The following CDH10 variants were observed in gnomAD, a reference collection of about 807,000 sequenced individuals.
The protein encoded by CDH10 is cadherin-10.
CDH10 carries 30 observed loss-of-function variants against 73.1 expected under a neutral mutation model. That is an observed-to-expected ratio of 0.41 (90% CI 0.31 to 0.56). The LOEUF (loss-of-function observed/expected upper bound fraction) is 0.56, where lower values mean the gene tolerates loss of function less well. Among genes scored for constraint, CDH10 ranks in the 20% least tolerant of loss-of-function variants. The pLI is 0.27. For synonymous variants in CDH10, 345 were observed against 348.2 expected, an observed-to-expected ratio of 0.99 and a Z score of 0.10; for missense variants, 815 against 973.7, an observed-to-expected ratio of 0.84 and a Z score of 2.17.
At chr5:24,641,888 T>C (rs969567743) in intron 1 of CDH10, among the ~76,000 whole-genome samples, 9 of 152,124 alleles carry the variant, frequency 5.9e-5, no homozygotes, top group African/African-American at 1.7e-4. Context: ...AACATAGACC[T>C]GAAATTTAGA....
chr5:24,509,314 A>G (rs1264187000), intron 7 of CDH10, among the ~76,000 whole-genome samples: 5 of 127,412 alleles, frequency 3.9e-5, no homozygotes, highest in African/African-American at 1.2e-4. Flanking sequence ...ATCTTGGCTC[A>G]CTGCAACCTC....
chr5:24,606,948 T>C (rs1234501750), intron 1 of CDH10, among the ~76,000 whole-genome samples: 1 of 152,226 alleles, frequency 6.6e-6, no homozygotes, highest in Admixed American at 6.5e-5. Flanking sequence ...TTTCCTGTTA[T>C]TCTTTGATTC....
chr5:24,607,643 C>T (rs181084836), intron 1 of CDH10, among the ~76,000 whole-genome samples: 47 of 152,034 alleles, frequency 3.1e-4, no homozygotes, highest in East Asian at 5.8e-4. Flanking sequence ...TAGGGATGTC[C>T]GTTAGTTTTT....
chr5:24,555,682 G>A (rs1304336016), intron 2 of CDH10, among the ~76,000 whole-genome samples: 1 of 152,140 alleles, frequency 6.6e-6, no homozygotes, highest in Non-Finnish European at 1.5e-5. Flanking sequence ...AGAAATGAGA[G>A]AGAGAGATTA....
Position 24,511,314 on chromosome 5 carries a change from G to A in CDH10, c.1002+13C>T, listed in dbSNP as rs1400101801. The stretch of plus-strand genomic sequence containing the variant: ...GAAACACACAGATGCTTATTTATAT[G>A]GATGCTGTGCACCTTTTTCACAGTG... On this transcript the variant is annotated intron_variant, in intron 6 of 11. Transcript: ENST00000264463. 1.3e-6 allele frequency: 2 copies of A among 1,555,884 alleles called. No individual in the cohort carries two copies. Among genetic ancestry groups the A allele is most frequent in the South Asian group, 1.1e-5 (1 of 88,928 alleles).
intron 2 of CDH10, among the ~76,000 whole-genome samples, chr5:24,551,011 T>G: frequency 6.6e-6 from 1 of 152,262 alleles, no homozygotes; most frequent in East Asian, 1.9e-4. Context: ...ACTCCTCTGC[T>G]CAAAACCCAC....
rs188197104 is a variant in CDH10 at position 24,593,579 on chromosome 5, A to G, written c.-89T>C. ...TTTACTGTGTTTCAACTGGTTTCCA[A>G]CATTTCATCAATGTTTTGTTCATGT... On this transcript the variant is annotated 5_prime_UTR_variant, in exon 2 of 12. Transcript: ENST00000264463. The G allele has an allele frequency of 1.5e-6, 1 of 655,716 alleles. No individual in the cohort carries two copies. 40.6% of individuals were successfully genotyped at this position (655,716 alleles called of 1,614,324 possible). A position where few individuals can be genotyped will look rare whatever the true frequency, so the allele number is the denominator to read the frequency against.
chr5:24,495,089 C>T (rs572013647), intron 9 of CDH10, among the ~76,000 whole-genome samples: 123 of 152,058 alleles, frequency 8.1e-4, no homozygotes, highest in Non-Finnish European at 1.6e-3. Context: ...GTAAATGTGC[C>T]GTAAAGACTG....
At chr5:24,496,569 A>G (rs1032255768) in intron 9 of CDH10, among the ~76,000 whole-genome samples, 1 of 152,124 alleles carries the variant, frequency 6.6e-6, no homozygotes, top group Non-Finnish European at 1.5e-5. Context: ...TTTATTTGTC[A>G]CCTCATTTTG....
At chr5:24,558,795 T>A (rs1024314703) in intron 2 of CDH10, among the ~76,000 whole-genome samples, 59 of 151,874 alleles carry the variant, frequency 3.9e-4, no homozygotes, top group Admixed American at 1.2e-3. Context: ...TTGTGCAATA[T>A]GTTAGAATCA....
At chr5:24,509,008 G>A (rs1218271141) in intron 7 of CDH10, among the ~76,000 whole-genome samples, 1 of 151,944 alleles carries the variant, frequency 6.6e-6, no homozygotes, top group Admixed American at 6.6e-5. Flanking sequence ...CAGTCTAAAG[G>A]GCATGATGAA....
At chr5:24,530,208 G>A (rs913035902) in intron 5 of CDH10, among the ~76,000 whole-genome samples, 1 of 151,244 alleles carries the variant, frequency 6.6e-6, no homozygotes, top group African/African-American at 2.4e-5. Flanking sequence ...GGAGTGTTAA[G>A]GCAAAGATGG....
rs114614150 is a variant in CDH10, at chr5:24,532,061, C to A, written c.814+3051G>T. 1.1e-3 allele frequency among the ~76,000 whole-genome samples: 162 copies of A among 152,070 alleles called. 1 individual carries two copies. The highest frequency in any genetic ancestry group is 3.4e-3 in the African/African-American group (139 of 41,482). On this transcript the variant is annotated intron_variant, in intron 5 of 11. Transcript: ENST00000264463. ...ATGGCTAGGGAGGGCAAAATTATCA[C>A]TGAATGAGAAACATTGTTATAAATC...
At chr5:24,559,109 ATTTTG>A (rs1339731063) in intron 2 of CDH10, among the ~76,000 whole-genome samples, 1 of 113,108 alleles carries the variant, frequency 8.8e-6, no homozygotes, top group African/African-American at 3.4e-5. Context: ...TGGATCCCTT[ATTTTG>A]TTTTATTATT....
At chr5:24,626,852 G>A (rs558886105) in intron 1 of CDH10, among the ~76,000 whole-genome samples, 1 of 139,142 alleles carries the variant, frequency 7.2e-6, no homozygotes, top group East Asian at 2.1e-4. Context: ...ATATATATAA[G>A]TGTATATATA....
chr5:24,534,232 T>TG (rs897320425), intron 5 of CDH10, among the ~76,000 whole-genome samples: 15 of 152,162 alleles, frequency 9.9e-5, no homozygotes, highest in Middle Eastern at 3.4e-3. Context: ...ACTAAAATGG[T>TG]GGGGGGACCA....
rs115806880 is a variant in CDH10 at position 24,569,444 on chromosome 5, G to A, written c.231+23816C>T. On this transcript the variant is annotated intron_variant, in intron 2 of 11. Transcript: ENST00000264463. ...ATCATAGGAATTTTAGAAGCATATT[G>A]ATTTAATAAACTTGATTTACAATGC... Among the ~76,000 whole-genome samples, 763 of 150,020 alleles carry A rather than the reference G, an allele frequency of 5.1e-3. 7 individuals are homozygous for A. The highest frequency in any genetic ancestry group is 0.018 in the African/African-American group (743 of 41,288).
At chr5:24,571,992 GA>G (rs957569522) in intron 2 of CDH10, among the ~76,000 whole-genome samples, 3 of 151,512 alleles carry the variant, frequency 2.0e-5, no homozygotes, top group Non-Finnish European at 2.9e-5. Flanking sequence ...AAAATCGACA[GA>G]AGGGTGGACT....
intron 2 of CDH10, among the ~76,000 whole-genome samples, chr5:24,559,934 T>C (rs1223436262): frequency 2.0e-5 from 3 of 152,134 alleles, no homozygotes; most frequent in Non-Finnish European, 4.4e-5. Flanking sequence ...GGTCATACTT[T>C]CTGTGTTTTA....
Sources: gnomAD v4.1 joint callset for allele counts (sites outside exome capture counted in the v4.1 genomes callset) on GRCh38, gnomAD v4.1.1 for gene constraint, MANE v1.5 for transcripts, NCBI Gene and HGNC (gene_info 2026-07-23, HGNC 2026-07-21) for gene names.